Variants in ZSCAN31 observed in about 807,000 individuals in gnomAD.
ZSCAN31 encodes the protein zinc finger and SCAN domain-containing protein 31.
A neutral mutation model predicts 22.5 loss-of-function variants in ZSCAN31; 14 were observed. That is an observed-to-expected ratio of 0.62 (90% CI 0.41 to 0.97). The LOEUF is 0.97. Among genes scored for constraint, ZSCAN31 ranks in the 50% least tolerant of loss-of-function variants. The pLI is 0.00. For synonymous variants in ZSCAN31, 168 were observed against 169.8 expected (o/e 0.99, Z 0.08); for missense variants, 424 against 483.4 (o/e 0.88, Z 1.15).
At chr6:28,338,758 G>A (rs1342654570), upstream of ZSCAN31, among the ~76,000 whole-genome samples, 2 of 152,082 alleles carry the variant, frequency 1.3e-5, no homozygotes, top group Non-Finnish European at 1.5e-5. Flanking sequence ...TATGTTCTTG[G>A]ACTGCTTCTT....
rs1184700811 is a variant in ZSCAN31, at chr6:28,326,860, A to G, written c.533-6T>C. 1.9e-6 allele frequency: 3 copies of G among 1,601,046 alleles called. No individual in the cohort carries two copies. Among genetic ancestry groups the G allele is most frequent in the East Asian group, 2.2e-5 (1 of 44,804 alleles). ...CTCAGGTATACTTTCACCATCTGGA[A>G]TAATAAATGGACCAAACAATGTAAT... On this transcript the variant is annotated splice_region_variant and splice_polypyrimidine_tract_variant and intron_variant, in intron 3 of 3. Coordinates refer to ENST00000344279, the MANE Select transcript of ZSCAN31 (RefSeq NM_030899.5).
upstream of ZSCAN31, among the ~76,000 whole-genome samples, chr6:28,339,004 T>G (rs1764307188): frequency 6.6e-6 from 1 of 152,240 alleles, no homozygotes; most frequent in Non-Finnish European, 1.5e-5. Flanking sequence ...TTAGATGTCC[T>G]CATTGTCAAT....
Position 28,334,465 on chromosome 6 carries a change from A to G in ZSCAN31, c.-96+1617T>C, listed in dbSNP as rs191787030. 6.6e-5 allele frequency among the ~76,000 whole-genome samples: 10 copies of G among 152,392 alleles called. No homozygotes were observed. The East Asian group carries it at 1.9e-3, about 29-fold the overall frequency. On this transcript the variant is annotated intron_variant, in intron 1 of 3. Transcript: ENST00000344279. Reference sequence around the variant, plus strand: ...TTCATTCATGAGAATGTTTTCATTCACGTCAGCATAATTAACAACAGCAAC... The same window carrying G: ...TTCATTCATGAGAATGTTTTCATTCGCGTCAGCATAATTAACAACAGCAAC...
At chr6:28,328,502 C>T (rs1415374049) in intron 2 of ZSCAN31, among the ~76,000 whole-genome samples, 2 of 152,206 alleles carry the variant, frequency 1.3e-5, no homozygotes, top group Non-Finnish European at 2.9e-5. Flanking sequence ...TCTGTTCCGC[C>T]CAGCTAACTG....
intron 2 of ZSCAN31, among the ~76,000 whole-genome samples, chr6:28,342,356 C>T (rs1416917686): frequency 1.3e-5 from 2 of 152,198 alleles, no homozygotes; most frequent in Non-Finnish European, 2.9e-5. Context: ...CCATTCCTCC[C>T]TAGTGTTCTC....
intron 2 of ZSCAN31, among the ~76,000 whole-genome samples, chr6:28,352,868 T>C (rs1339827214): frequency 1.3e-5 from 2 of 152,178 alleles, no homozygotes; most frequent in Non-Finnish European, 2.9e-5. Flanking sequence ...CTGTAGAGAG[T>C]TGGACTGAGG....
chr6:28,342,864 C>G (rs1764470818), intron 2 of ZSCAN31, among the ~76,000 whole-genome samples: 1 of 152,204 alleles, frequency 6.6e-6, no homozygotes, highest in Non-Finnish European at 1.5e-5. Context: ...CCATGTAGCA[C>G]TAAACCAAAT....
Position 28,329,324 on chromosome 6 carries a change from C to T in ZSCAN31, c.360G>A (p.Glu120=). 2 of 1,592,970 alleles carry T rather than the reference C, an allele frequency of 1.3e-6. No individual in the cohort carries two copies. The highest frequency in any genetic ancestry group is 1.7e-4 in the Middle Eastern group (1 of 5,900). ...AVAVVEDLEQ[E]LSEPGNQAPD... Reference sequence around the variant, plus strand: ...TCACCTGGTTCCCTGGCTCACTAAGCTCTTGTTCCAGATCTTCAACTACAG... The same window carrying T: ...TCACCTGGTTCCCTGGCTCACTAAGTTCTTGTTCCAGATCTTCAACTACAG... The change falls in exon 2 of 4, where the codon GAG becomes GAA. Residue 120 remains glutamate, a synonymous_variant. Transcript: ENST00000344279.
At position 28,326,745 on chromosome 6, in the gene ZSCAN31, A is replaced by G. The variant is rs1373243269; in HGVS notation, c.642T>C (p.Ser214=). The change falls in exon 4 of 4, where the codon TCT becomes TCC. Residue 214 remains serine, a synonymous_variant. Transcript: ENST00000344279. ...SKLQRDVSLD[S]KYRETCKRDS... ...CTCGTTTACAAGTTTCTCTGTACTTAGAATCCAAAGATACATCTCTTTGGA... is the reference window on the plus strand; with the variant it reads ...CTCGTTTACAAGTTTCTCTGTACTTGGAATCCAAAGATACATCTCTTTGGA... 1.2e-6 allele frequency: 2 copies of G among 1,613,998 alleles called. No homozygotes were observed. Among genetic ancestry groups the G allele is most frequent in the Non-Finnish European group, 1.7e-6 (2 of 1,180,046 alleles).
chr6:28,345,127 G>A (rs1202566239), intron 2 of ZSCAN31, among the ~76,000 whole-genome samples: 17 of 139,988 alleles, frequency 1.2e-4, no homozygotes, highest in African/African-American at 3.9e-4. Context: ...CCCAGGCAAC[G>A]CAGTGAAACT....
chr6:28,330,551 T>C (rs184557633), intron 1 of ZSCAN31, among the ~76,000 whole-genome samples: 1 of 152,316 alleles, frequency 6.6e-6, no homozygotes, highest in Non-Finnish European at 1.5e-5. Context: ...ATTTCATATT[T>C]CAGATTTTCA....
chr6:28,336,110 G>T lies in ZSCAN31; in HGVS notation c.-124C>A, dbSNP rs2281040. On this transcript the variant is annotated 5_prime_UTR_variant, in exon 1 of 4. In the 5' UTR this introduces an upstream ATG that the reference lacks. Coordinates refer to ENST00000344279, the MANE Select transcript of ZSCAN31 (RefSeq NM_030899.5). ...CGGGGCACCGGCAAGCTACGGAACA[G>T]GTGGCGGGGCTGCAGCACCCCAATG... The T allele has an allele frequency of 0.099, 15,136 of 152,500 alleles. 1,110 individuals are homozygous for T. The highest frequency in any genetic ancestry group is 0.31 in the East Asian group (1,596 of 5,158). 9.4% of individuals were successfully genotyped at this position (152,500 alleles called of 1,614,324 possible).
rs1237768020 is a variant in ZSCAN31, at chr6:28,327,305, C to T, written c.532+78G>A. On this transcript the variant is annotated intron_variant, in intron 3 of 3. Coordinates refer to ENST00000344279, the MANE Select transcript of ZSCAN31 (RefSeq NM_030899.5). ...TAAATTCCAACCCAGGCAATTTAGC[C>T]CCAGAGTCCACAGTCTTAACTATCG... is the stretch of plus-strand genomic sequence containing the variant. The T allele has an allele frequency of 7.2e-6, 11 of 1,519,534 alleles. No individual in the cohort carries two copies. The African/African-American group carries it at 1.4e-4, about 19-fold the overall frequency. 94.1% of individuals were successfully genotyped at this position (1,519,534 alleles called of 1,614,324 possible). A position where few individuals can be genotyped will look rare whatever the true frequency, so the allele number is the denominator to read the frequency against.
upstream of ZSCAN31, among the ~76,000 whole-genome samples, chr6:28,355,162 T>A (rs138205284): frequency 3.4e-4 from 52 of 152,252 alleles, no homozygotes; most frequent in Non-Finnish European, 4.3e-4. Flanking sequence ...TAACCTTATC[T>A]TGCATTAGGA....
upstream of ZSCAN31, among the ~76,000 whole-genome samples, chr6:28,338,495 C>T (rs1390971647): frequency 6.6e-6 from 1 of 151,984 alleles, no homozygotes; most frequent in East Asian, 1.9e-4. Flanking sequence ...AACAGGGTCT[C>T]GTTCTGTCAA....
Position 28,326,263 on chromosome 6 carries a change from C to G in ZSCAN31, c.1124G>C (p.Gly375Ala), listed in dbSNP as rs1209440871. ...CTGACTGCACTGATAGGGTTTCTCA[C>G]CAGTGTGGACTCGGAGATGCTGGAA... is the stretch of plus-strand genomic sequence containing the variant. Reference protein sequence around the residue: ...GLFQHLRVHTGEKPYQCSQCS... With the variant: ...GLFQHLRVHTAEKPYQCSQCS... The change falls in exon 4 of 4, where the codon GGT becomes GCT. Residue 375 changes from glycine (G) to alanine (A), a missense_variant. Transcript: ENST00000344279. 2 of 1,614,162 alleles carry G rather than the reference C, an allele frequency of 1.2e-6. No homozygotes were observed. The highest frequency in any genetic ancestry group is 1.7e-6 in the Non-Finnish European group (2 of 1,180,024).
At chr6:28,355,561 G>C (rs75521677), upstream of ZSCAN31, 1 of 152,142 alleles carries the variant, frequency 6.6e-6, no homozygotes, top group Non-Finnish European at 1.5e-5. Context: ...TGGGTGCCCC[G>C]ATCAGCTACC....
rs1393210277 is a variant in ZSCAN31 at position 28,349,600 on chromosome 6, T to C, written c.-371+4262A>G. Among the ~76,000 whole-genome samples the C allele has an allele frequency of 6.6e-6, 1 of 152,182 alleles. No homozygotes were observed. Among genetic ancestry groups the C allele is most frequent in the Non-Finnish European group, 1.5e-5 (1 of 68,026 alleles). On this transcript the variant is annotated intron_variant, in intron 2 of 7. Coordinates refer to the ZSCAN31 transcript ENST00000396838. This position sits in a 1 kb window ranked among gnomAD's most constrained non-coding sequence, Gnocchi z 4.1. Reference sequence around the variant, plus strand: ...TAAAACATGCACCCTAACACTTTCCTTCTCACTCTTGTCCCCGTTTTCACT... The same window carrying C: ...TAAAACATGCACCCTAACACTTTCCCTCTCACTCTTGTCCCCGTTTTCACT...
rs559001956 is a variant in ZSCAN31, at chr6:28,351,362, C to T, written c.-371+2500G>A. Among the ~76,000 whole-genome samples the T allele has an allele frequency of 6.6e-6, 1 of 152,196 alleles. No individual in the cohort carries two copies. Among genetic ancestry groups the T allele is most frequent in the Non-Finnish European group, 1.5e-5 (1 of 68,028 alleles). ...ACACCCTCCTCATTCCACTTGGGCT[C>T]CAGATTCACTCTGGGTTGGGCTGTG... On this transcript the variant is annotated intron_variant, in intron 2 of 7. Coordinates refer to the ZSCAN31 transcript ENST00000396838. The surrounding 1 kb of genome is among the most constrained non-coding windows in gnomAD (Gnocchi z 4.6).
Sources: gnomAD v4.1 joint callset for allele counts (sites outside exome capture counted in the v4.1 genomes callset) on GRCh38, gnomAD v4.1.1 for gene constraint, Gnocchi (gnomAD v3.1) non-coding constraint, MANE v1.5 for transcripts, NCBI Gene and HGNC (gene_info 2026-07-23, HGNC 2026-07-21) for gene names.